The following NADK2 variants were observed in gnomAD, a reference collection of about 807,000 sequenced individuals.
The protein encoded by NADK2 is NAD kinase 2, mitochondrial.
NADK2 carries 35 observed loss-of-function variants against 62.1 expected under a neutral mutation model. The ratio of observed to expected loss-of-function variants is 0.56; its 90% CI spans 0.43 to 0.75. NADK2 has a LOEUF of 0.75. NADK2 is among the 30% of genes least tolerant of loss of function. The pLI is 0.00. For synonymous variants in NADK2, 205 were observed against 207.9 expected (o/e 0.99, Z 0.12); for missense variants, 439 against 561.3 (o/e 0.78, Z 2.20).
intron 6 of NADK2, 27 bp from the exon 7 acceptor site, chr5:36,211,949 T>C (rs1746863716): frequency 6.5e-7 from 1 of 1,527,386 alleles, no homozygotes; most frequent in Admixed American, 1.8e-5. Flanking sequence ...ACAAAGAAAA[T>C]CCAAGATAGC....
intron 1 of NADK2, among the ~76,000 whole-genome samples, chr5:36,234,209 C>T (rs965718759): frequency 6.6e-6 from 1 of 151,130 alleles, no homozygotes; most frequent in Non-Finnish European, 1.5e-5. Flanking sequence ...CCCGTCTCTA[C>T]TAAAAATACA....
intron 4 of NADK2, among the ~76,000 whole-genome samples, chr5:36,224,896 G>GC (rs900051571): frequency 1.3e-5 from 2 of 152,040 alleles, no homozygotes; most frequent in African/African-American, 4.8e-5. Flanking sequence ...ATTAAGATAG[G>GC]TCTTTTTATT....
intron 5 of NADK2, among the ~76,000 whole-genome samples, chr5:36,218,503 T>G (rs1400741801): frequency 2.0e-5 from 3 of 152,196 alleles, no homozygotes; most frequent in African/African-American, 7.2e-5. Context: ...ATACTTCCAC[T>G]TGGTAGCTAT....
intron 7 of NADK2, among the ~76,000 whole-genome samples, chr5:36,207,762 A>T (rs1226234818): frequency 6.6e-6 from 1 of 152,146 alleles, no homozygotes; most frequent in Non-Finnish European, 1.5e-5. Flanking sequence ...ATTGGTAGTA[A>T]GCTAACAGAG....
upstream of NADK2, chr5:36,241,986 A>C: frequency 2.9e-6 from 1 of 342,538 alleles, no homozygotes; most frequent in East Asian, 6.4e-5. The surrounding 1 kb of genome is among the most constrained non-coding windows in gnomAD (Gnocchi z 4.9). Flanking sequence ...AAGGCGGGGA[A>C]AGCGTGGCGA....
At chr5:36,208,733 TTTAAAATGTTC>T in intron 7 of NADK2, 2 of 1,218,174 alleles carry the variant, frequency 1.6e-6, no homozygotes, top group East Asian at 5.1e-5. Flanking sequence ...AAATTGGGCC[TTTAAAATGTTC>T]TTAAATCTAA....
At chr5:36,216,795 T>C (rs1747061378) in intron 6 of NADK2, among the ~76,000 whole-genome samples, 1 of 152,180 alleles carries the variant, frequency 6.6e-6, no homozygotes. Flanking sequence ...GTGGTAGAAG[T>C]AACTTCTTTC....
At position 36,226,522 on chromosome 5, in the gene NADK2, T is replaced by G; in HGVS notation, c.431A>C (p.Tyr144Ser). 1 of 1,613,192 alleles carries G rather than the reference T, an allele frequency of 6.2e-7. No homozygotes were observed. Among genetic ancestry groups the G allele is most frequent in the Non-Finnish European group, 8.5e-7 (1 of 1,179,562 alleles). The change falls in exon 3 of 12, where the codon TAT (tyrosine) becomes TCT (serine). Residue 144 changes from tyrosine to serine, a missense_variant. Tyr to Ser is a moderately radical substitution (Grantham distance 144, BLOSUM62 -2). Coordinates refer to ENST00000381937, the MANE Select transcript of NADK2 (RefSeq NM_001085411.3). Reference protein sequence around the residue: ...IEVRLVKRREYDEETVRWADA... With the variant: ...IEVRLVKRRESDEETVRWADA... ...TGCCCATCGAACAGTCTCTTCATCA[T>G]ATTCTCTCCTCTTTACTAGACGAAC...
At position 36,218,742 on chromosome 5, in the gene NADK2, G is replaced by A. The variant is rs77932134; in HGVS notation, c.644+854C>T. Among the ~76,000 whole-genome samples, 1,860 of 152,162 alleles carry A rather than the reference G, an allele frequency of 0.012. 160 individuals carry two copies. The East Asian group carries it at 0.21, about 18-fold the overall frequency. On this transcript the variant is annotated intron_variant, in intron 5 of 11. Coordinates refer to ENST00000381937, the MANE Select transcript of NADK2 (RefSeq NM_001085411.3). ...CCTTCCTCCACCTTCCTCTTTTCCT[G>A]ATGGTCTGACCACTGAACACATTAA... is the stretch of plus-strand genomic sequence containing the variant.
chr5:36,210,206 C>T (rs1280916111), intron 7 of NADK2, among the ~76,000 whole-genome samples: 2 of 152,088 alleles, frequency 1.3e-5, no homozygotes, highest in Non-Finnish European at 2.9e-5. Context: ...CTTACATCTA[C>T]AAGGATGAGA....
intron 1 of NADK2, among the ~76,000 whole-genome samples, chr5:36,240,988 A>G (rs1579647747): frequency 1.3e-5 from 2 of 152,168 alleles, no homozygotes; most frequent in Non-Finnish European, 2.9e-5. Flanking sequence ...AGTCCTGCAG[A>G]GTAAAAGGGG....
chr5:36,236,743 T>C (rs1747921294), intron 1 of NADK2, among the ~76,000 whole-genome samples: 1 of 150,840 alleles, frequency 6.6e-6, no homozygotes, highest in African/African-American at 2.4e-5. Context: ...GAAAAGAAAA[T>C]AATCACAGAT....
rs1226282060 is a variant in NADK2 at position 36,227,477 on chromosome 5, C to T, written c.389G>A (p.Arg130Gln). Residue 130 changes from arginine to glutamine, a missense_variant and splice_region_variant, in exon 2 of 12, where the codon CGG becomes CAG. Coordinates refer to ENST00000381937, the MANE Select transcript of NADK2 (RefSeq NM_001085411.3). Reference protein sequence around the residue: ...KNVEHIIDSLRNEGIEVRLVK... With the variant: ...KNVEHIIDSLQNEGIEVRLVK... ...CCAAGACCCAATCCCATAGACTTAC[C>T]GTAAACTATCTATAATATGTTCTAC... 2 of 1,491,634 alleles carry T rather than the reference C, an allele frequency of 1.3e-6. No individual in the cohort carries two copies. Among genetic ancestry groups the T allele is most frequent in the Non-Finnish European group, 1.8e-6 (2 of 1,115,080 alleles). 92.4% of individuals were successfully genotyped at this position (1,491,634 alleles called of 1,614,324 possible). A position where few individuals can be genotyped will look rare whatever the true frequency, so the allele number is the denominator to read the frequency against.
chr5:36,212,009 T>G (rs575089653), intron 6 of NADK2, 87 bp from the exon 7 acceptor site: 3 of 993,878 alleles, frequency 3.0e-6, no homozygotes, highest in African/African-American at 1.6e-5. Flanking sequence ...ACTACAACTT[T>G]TATATTTTTG....
chr5:36,194,955 C>T lies in NADK2; in HGVS notation c.*189G>A. ...ATCAATTCTAATTGGTTCAGTCCAT[C>T]CATTTTCTTATACAGTGAATGTCTT... is the stretch of plus-strand genomic sequence containing the variant. On this transcript the variant is annotated 3_prime_UTR_variant, in exon 12 of 12. Transcript: ENST00000381937. The T allele has an allele frequency of 3.8e-6, 2 of 530,186 alleles. No homozygotes were observed. Among genetic ancestry groups the T allele is most frequent in the South Asian group, 3.7e-5 (1 of 26,678 alleles). 32.8% of individuals were successfully genotyped at this position (530,186 alleles called of 1,614,324 possible).
intron 4 of NADK2, among the ~76,000 whole-genome samples, chr5:36,220,758 A>G (rs1420745283): frequency 6.6e-6 from 1 of 152,256 alleles, no homozygotes; most frequent in Non-Finnish European, 1.5e-5. Context: ...TTACAGTCAG[A>G]TATCAGCTAG....
In NADK2 at chr5:36,217,798, C is replaced by T; in HGVS notation, c.731G>A (p.Ser244Asn). 1 of 1,613,958 alleles carries T rather than the reference C, an allele frequency of 6.2e-7. No homozygotes were observed. The highest frequency in any genetic ancestry group is 2.2e-5 in the East Asian group (1 of 44,860). ...VPVDLHEQQLSLNQHNRALNI... is the reference protein window; with the variant it reads ...VPVDLHEQQLNLNQHNRALNI... ...AAGGGCTCTATTGTGCTGATTCAAG[C>T]TTAGCTGCTGCTCGTGAAGGTCCAC... Residue 244 changes from serine (S) to asparagine (N), a missense_variant, in exon 6 of 12, where the codon AGC (serine) becomes AAC (asparagine). By Grantham distance (46) the Ser-to-Asn change is conservative. Transcript: ENST00000381937.
intron 8 of NADK2, among the ~76,000 whole-genome samples, chr5:36,202,369 TAAG>T (rs1469688108): frequency 1.3e-5 from 2 of 152,042 alleles, no homozygotes; most frequent in East Asian, 3.9e-4. Context: ...AGAATAATCT[TAAG>T]AAGAAACTAA....
chr5:36,240,446 T>C (rs1748064186), intron 1 of NADK2, among the ~76,000 whole-genome samples: 1 of 152,214 alleles, frequency 6.6e-6, no homozygotes, highest in African/African-American at 2.4e-5. Flanking sequence ...TTCCAACAGG[T>C]TGTCTAGTCT....
Sources: allele counts gnomAD v4.1 joint callset (sites outside exome capture counted in the v4.1 genomes callset), GRCh38; gene constraint gnomAD v4.1.1; non-coding constraint Gnocchi (gnomAD v3.1); transcripts MANE v1.5; gene names NCBI Gene and HGNC (gene_info 2026-07-23, HGNC 2026-07-21).